DNAH7: variants seen among roughly 807,000 people sequenced by gnomAD.
The protein encoded by DNAH7 is axonemal beta dynein heavy chain 7.
A neutral mutation model predicts 444.6 loss-of-function variants in DNAH7; 397 were observed. That is an observed-to-expected ratio of 0.89 (90% confidence interval 0.82 to 0.97). The LOEUF (loss-of-function observed/expected upper bound fraction) is 0.97, where lower values mean the gene tolerates loss of function less well. Ranked by LOEUF, DNAH7 falls within the 50% of genes least tolerant of loss-of-function variation. The pLI is 0.00. For missense variants in DNAH7, 4,902 were observed against 4,800.8 expected (o/e 1.02, Z -0.62); for synonymous variants, 1,636 against 1,624.4 (o/e 1.01, Z -0.17).
chr2:195,973,769 AC>A (rs1248946249), intron 15 of DNAH7, among the ~76,000 whole-genome samples: 8 of 150,616 alleles, frequency 5.3e-5, no homozygotes, highest in African/African-American at 1.7e-4. Flanking sequence ...ACCGCGGCTG[AC>A]CCTTCCTTTG....
At chr2:195,773,819 T>TG (rs1434964017) in intron 60 of DNAH7, among the ~76,000 whole-genome samples, 1 of 152,260 alleles carries the variant, frequency 6.6e-6, no homozygotes, top group Non-Finnish European at 1.5e-5. Flanking sequence ...AAATAGTGTG[T>TG]GGCAGTTAAC....
chr2:195,928,986 C>T (rs367986102), intron 21 of DNAH7, among the ~76,000 whole-genome samples: 1 of 152,110 alleles, frequency 6.6e-6, no homozygotes, highest in African/African-American at 2.4e-5. Context: ...AAAGACCCCA[C>T]CAAAAGACTC....
At position 196,024,419 on chromosome 2, in the gene DNAH7, G is replaced by T; in HGVS notation, c.743+10C>A. On this transcript the variant is annotated intron_variant, in intron 8 of 64. Transcript: ENST00000312428. Reference sequence around the variant, plus strand: ...ATAATCAACATTCTTAGAGAAATCTGATCACTTACTCAGCACGATGGGCTG... The same window carrying T: ...ATAATCAACATTCTTAGAGAAATCTTATCACTTACTCAGCACGATGGGCTG... The T allele has an allele frequency of 6.5e-7, 1 of 1,549,130 alleles. No individual in the cohort carries two copies. Among genetic ancestry groups the T allele is most frequent in the South Asian group, 1.3e-5 (1 of 79,440 alleles).
chr2:195,891,578 G>GAA, intron 31 of DNAH7, 77 bp downstream of exon 31: 1 of 1,278,046 alleles, frequency 7.8e-7, no homozygotes, highest in Non-Finnish European at 1.0e-6. Flanking sequence ...TAGTTTGTTT[G>GAA]AAAAAAAAAT....
At chr2:195,910,451 A>T (rs906741356) in intron 24 of DNAH7, among the ~76,000 whole-genome samples, 4 of 152,198 alleles carry the variant, frequency 2.6e-5, no homozygotes, top group African/African-American at 9.6e-5. Context: ...TTTCTGGCCA[A>T]TATGAAGAAT....
intron 36 of DNAH7, among the ~76,000 whole-genome samples, chr2:195,879,707 C>T (rs910811876): frequency 2.0e-5 from 3 of 151,970 alleles, no homozygotes; most frequent in African/African-American, 7.3e-5. Context: ...ATTTAATGAT[C>T]AAATTATATG....
At chr2:195,949,447 C>T (rs572701008) in intron 19 of DNAH7, among the ~76,000 whole-genome samples, 1 of 152,214 alleles carries the variant, frequency 6.6e-6, no homozygotes, top group East Asian at 1.9e-4. Flanking sequence ...CTACACCTGG[C>T]TAATTTTCGT....
chr2:195,957,244 GA>G lies in DNAH7; in HGVS notation c.3078+16del. On this transcript the variant is annotated intron_variant, in intron 19 of 64. Coordinates refer to ENST00000312428, the MANE Select transcript of DNAH7 (RefSeq NM_018897.3). ...CTTCAACCAAATAATGACATTTTTGGAGATTTTTTCACCTACCTGCATGACA... is the reference window on the plus strand; with the variant it reads ...CTTCAACCAAATAATGACATTTTTGGGATTTTTTCACCTACCTGCATGACA... The G allele has an allele frequency of 6.8e-7, 1 of 1,469,318 alleles. No individual in the cohort carries two copies. Among genetic ancestry groups the G allele is most frequent in the Non-Finnish European group, 9.1e-7 (1 of 1,096,964 alleles). The allele number at this position is 1,469,318 out of a possible 1,614,324, so 91.0% of individuals were successfully genotyped here. A position where few individuals can be genotyped will look rare whatever the true frequency, so the allele number is the denominator to read the frequency against.
intron 35 of DNAH7, among the ~76,000 whole-genome samples, chr2:195,883,470 A>G (rs1017805362): frequency 2.1e-5 from 3 of 144,260 alleles, no homozygotes; most frequent in Non-Finnish European, 3.1e-5. Flanking sequence ...CCAAAAAAAA[A>G]GAATCAGAAA....
At chr2:195,864,045 A>C (rs1357171171) in intron 41 of DNAH7, 104 bp downstream of exon 41, 1 of 1,098,732 alleles carries the variant, frequency 9.1e-7, no homozygotes, top group Non-Finnish European at 1.3e-6. Context: ...TCTGCTAAAC[A>C]ATATTTTGGG....
rs567465286 is a variant in DNAH7, at chr2:195,942,121, G to A, written c.3079-5329C>T. On this transcript the variant is annotated intron_variant, in intron 19 of 64. Coordinates refer to ENST00000312428, the MANE Select transcript of DNAH7 (RefSeq NM_018897.3). ...AAATTATATAGTAAGGTAGATGATAGATGCTACAAAACAGAAAGAAGTGAT... is the reference window on the plus strand; with the variant it reads ...AAATTATATAGTAAGGTAGATGATAAATGCTACAAAACAGAAAGAAGTGAT... Among the ~76,000 whole-genome samples the A allele has an allele frequency of 5.5e-4, 83 of 152,210 alleles. 1 individual carries two copies. Among genetic ancestry groups the A allele is most frequent in the African/African-American group, 1.8e-3 (75 of 41,552 alleles).
At chr2:195,792,981 G>C (rs777177566) in intron 57 of DNAH7, among the ~76,000 whole-genome samples, 3 of 152,260 alleles carry the variant, frequency 2.0e-5, no homozygotes, top group Non-Finnish European at 4.4e-5. Context: ...CCAGGCTGGA[G>C]TGCAGTGGGA....
chr2:195,936,130 T>C (rs150209213), intron 20 of DNAH7, among the ~76,000 whole-genome samples: 1,786 of 152,236 alleles, frequency 0.012, 38 homozygotes, highest in East Asian at 0.072. Context: ...TCCCAGCACT[T>C]TGGGAGGCCG....
At chr2:195,930,858 A>G (rs1365877401) in intron 21 of DNAH7, among the ~76,000 whole-genome samples, 1 of 152,138 alleles carries the variant, frequency 6.6e-6, no homozygotes, top group East Asian at 1.9e-4. Context: ...AAATAATGAA[A>G]TTATGTTCTT....
At chr2:195,924,755 C>T (rs189534033) in intron 22 of DNAH7, among the ~76,000 whole-genome samples, 1 of 152,064 alleles carries the variant, frequency 6.6e-6, no homozygotes, top group Non-Finnish European at 1.5e-5. Flanking sequence ...TATAAAGATG[C>T]TAATAAACAA....
At chr2:195,968,957 C>T (rs933143033) in intron 17 of DNAH7, among the ~76,000 whole-genome samples, 14 of 152,216 alleles carry the variant, frequency 9.2e-5, no homozygotes, top group Admixed American at 8.5e-4. Flanking sequence ...TGTCCCTCCC[C>T]GACGTGTACA....
intron 17 of DNAH7, among the ~76,000 whole-genome samples, chr2:195,968,680 C>T (rs1691645737): frequency 6.6e-6 from 1 of 152,208 alleles, no homozygotes; most frequent in Admixed American, 6.5e-5. Context: ...AAGCCCAGGA[C>T]AGCATCAGGG....
At chr2:195,989,647 A>G (rs182964119) in intron 12 of DNAH7, among the ~76,000 whole-genome samples, 27 of 152,274 alleles carry the variant, frequency 1.8e-4, no homozygotes, top group Admixed American at 1.8e-3. Flanking sequence ...TGTAATCCCC[A>G]GTGTTGCAGG....
chr2:195,744,199 C>T (rs1470874926), intron 63 of DNAH7, among the ~76,000 whole-genome samples: 1 of 152,246 alleles, frequency 6.6e-6, no homozygotes, highest in Non-Finnish European at 1.5e-5. Context: ...AAACGGCGCA[C>T]CAGGAGATTA....
Sources: allele counts gnomAD v4.1 joint callset (sites outside exome capture counted in the v4.1 genomes callset), GRCh38; gene constraint gnomAD v4.1.1; transcripts MANE v1.5; gene names NCBI Gene and HGNC (gene_info 2026-07-23, HGNC 2026-07-21).